Variants in SLC39A8 observed in about 807,000 individuals in gnomAD.
SLC39A8 encodes the protein solute carrier family 39 member 8.
SLC39A8 carries 15 observed loss-of-function variants against 40.4 expected under a neutral mutation model. The ratio of observed to expected loss-of-function variants is 0.37; its 90% CI spans 0.25 to 0.57. The LOEUF is 0.57. SLC39A8 is among the 20% of genes least tolerant of loss of function. The probability of loss-of-function intolerance (pLI) is 0.75; values close to 1 mark genes in which losing one functional copy is unlikely to be tolerated. For synonymous variants in SLC39A8, 223 were observed against 221.6 expected (o/e 1.01, Z -0.06); for missense variants, 472 against 558.8 (o/e 0.84, Z 1.57).
intron 3 of SLC39A8, among the ~76,000 whole-genome samples, chr4:102,315,260 T>C (rs1425149054): frequency 2.6e-5 from 4 of 152,126 alleles, no homozygotes; most frequent in African/African-American, 9.7e-5. Context: ...AGAAGCATGC[T>C]AGTTCTCTTA....
rs771588210 is a variant in SLC39A8, at chr4:102,307,513, G to A, written c.475C>T (p.Pro159Ser). The A allele has an allele frequency of 3.1e-6, 5 of 1,613,422 alleles. No individual in the cohort carries two copies. In the East Asian group the frequency reaches 8.9e-5, roughly 29 times the overall value. ...LTPLIKKSYF[P>S]KILTFFVGLA... ...CCCACAAAAAAGGTCAAAATCTTTG[G>A]GAAATAAGATTTCTTTATCAGTGGA... The change falls in exon 4 of 9, where the codon CCA becomes TCA. Residue 159 changes from proline (P) to serine (S), a missense_variant. By Grantham distance (74) the Pro-to-Ser change is moderately conservative. Coordinates refer to ENST00000356736, the MANE Select transcript of SLC39A8 (RefSeq NM_001135146.2).
intron 4 of SLC39A8, among the ~76,000 whole-genome samples, chr4:102,307,217 T>G (rs897459962): frequency 6.6e-6 from 1 of 152,068 alleles, no homozygotes; most frequent in Non-Finnish European, 1.5e-5. Flanking sequence ...CACGTCCTAG[T>G]GGCTGGCCTC....
chr4:102,313,716 A>G (rs1365337843), intron 3 of SLC39A8, among the ~76,000 whole-genome samples: 1 of 151,916 alleles, frequency 6.6e-6, no homozygotes, highest in African/African-American at 2.4e-5. Flanking sequence ...CAGCCTCCCA[A>G]GTAGCTAGGC....
chr4:102,312,825 TAA>T (rs1734490277), intron 3 of SLC39A8, among the ~76,000 whole-genome samples: 2 of 152,246 alleles, frequency 1.3e-5, no homozygotes, highest in South Asian at 4.1e-4. Context: ...AGGAAAAGGT[TAA>T]AGTCATGTTC....
At chr4:102,263,618 G>A (rs1731962287) in intron 8 of SLC39A8, among the ~76,000 whole-genome samples, 1 of 152,066 alleles carries the variant, frequency 6.6e-6, no homozygotes, top group South Asian at 2.1e-4. Context: ...AGACAACAAT[G>A]ACATTTGCAA....
At chr4:102,332,367 C>T (rs1735504284) in intron 2 of SLC39A8, among the ~76,000 whole-genome samples, 1 of 151,898 alleles carries the variant, frequency 6.6e-6, no homozygotes, top group African/African-American at 2.4e-5. Context: ...GATAAGAACA[C>T]TTTTCAAAAG....
chr4:102,279,719 T>C (rs960907637), intron 6 of SLC39A8, among the ~76,000 whole-genome samples: 1 of 152,094 alleles, frequency 6.6e-6, no homozygotes, highest in Non-Finnish European at 1.5e-5. Flanking sequence ...TGCATCCTCT[T>C]CTCCCAATAT....
At chr4:102,333,589 G>C (rs1278613922) in intron 2 of SLC39A8, among the ~76,000 whole-genome samples, 1 of 152,164 alleles carries the variant, frequency 6.6e-6, no homozygotes, top group African/African-American at 2.4e-5. Context: ...AATACCAAAA[G>C]GTTTTGATGG....
rs1286633534 is a variant in SLC39A8 at position 102,266,442 on chromosome 4, T to G, written c.1233+1048A>C. ...GACAAATATAATTTGGAGGTAAGAA[T>G]GCAAATAAAAAACTCAAATTATTAA... On this transcript the variant is annotated intron_variant, in intron 8 of 8. Transcript: ENST00000356736. Among the ~76,000 whole-genome samples the G allele has an allele frequency of 3.3e-5, 5 of 152,200 alleles. No individual in the cohort carries two copies. In the South Asian group the frequency reaches 8.3e-4, roughly 25 times the overall value.
downstream of SLC39A8, among the ~76,000 whole-genome samples, chr4:102,260,213 A>G (rs780698525): frequency 1.1e-4 from 17 of 152,236 alleles, no homozygotes; most frequent in Non-Finnish European, 2.1e-4. Context: ...TGGAGTAATA[A>G]GCTTACGAAT....
At chr4:102,279,747 G>T (rs1578569786) in intron 6 of SLC39A8, among the ~76,000 whole-genome samples, 1 of 152,102 alleles carries the variant, frequency 6.6e-6, no homozygotes, top group Non-Finnish European at 1.5e-5. Flanking sequence ...GAAGAGTGTT[G>T]CTGGGGACCA....
rs768387890 is a variant in SLC39A8 at position 102,263,048 on chromosome 4, T to G, written c.1379A>C (p.Glu460Ala). ...AACACCATCTTCCATTTTCTATTACTCCAATTCGATTTCTCCTGCATACAA... is the reference window on the plus strand; with the variant it reads ...AACACCATCTTCCATTTTCTATTACGCCAATTCGATTTCTCCTGCATACAA... ...ITLYAGEIEL[E>A] The change falls in exon 9 of 9, where the codon GAG becomes GCG. Residue 460 changes from glutamate to alanine, a missense_variant. Coordinates refer to ENST00000356736, the MANE Select transcript of SLC39A8 (RefSeq NM_001135146.2). The G allele has an allele frequency of 6.2e-7, 1 of 1,606,184 alleles. No homozygotes were observed.
In SLC39A8 at chr4:102,263,109, T is replaced by C. The variant is rs758843882; in HGVS notation, c.1318A>G (p.Met440Val). The change falls in exon 9 of 9, where the codon ATG (methionine) becomes GTG (valine). Residue 440 changes from methionine to valine, a missense_variant. Met to Val is a conservative substitution (Grantham distance 21, BLOSUM62 1). This residue lies in a region of SLC39A8 where 50 missense variants were observed against 50.5 expected (regional missense o/e 0.99). Coordinates refer to ENST00000356736, the MANE Select transcript of SLC39A8 (RefSeq NM_001135146.2). ...AGAATGGCTGTGAATCCAGTTAACA[T>C]TCCAGCATTCTGAATCATGAAGAAG... is the stretch of plus-strand genomic sequence containing the variant. ...FTFFMIQNAG[M>V]LTGFTAILLI... is the part of the protein sequence containing the mutation. 6.2e-7 allele frequency: 1 copy of C among 1,613,854 alleles called. No homozygotes were observed. Among genetic ancestry groups the C allele is most frequent in the South Asian group, 1.1e-5 (1 of 91,046 alleles).
chr4:102,320,559 A>G (rs1202087973), intron 2 of SLC39A8, among the ~76,000 whole-genome samples: 1 of 10,060 alleles, frequency 9.9e-5, no homozygotes, highest in African/African-American at 4.4e-4. Flanking sequence ...TATATATATG[A>G]GAATATATAT....
At chr4:102,278,667 C>G (rs1400288199) in intron 6 of SLC39A8, among the ~76,000 whole-genome samples, 2 of 152,116 alleles carry the variant, frequency 1.3e-5, no homozygotes, top group African/African-American at 2.4e-5. Context: ...ATAAATCATT[C>G]TACTATAAAG....
intron 2 of SLC39A8, among the ~76,000 whole-genome samples, chr4:102,343,760 CAAATGCCT>C (rs1465764103): frequency 3.3e-5 from 5 of 152,160 alleles, no homozygotes; most frequent in Non-Finnish European, 7.4e-5. Context: ...AAGGTATTGC[CAAATGCCT>C]AGTAGTACCC....
intron 11 of SLC39A8, among the ~76,000 whole-genome samples, chr4:102,255,743 T>A (rs1731694788): frequency 6.6e-6 from 1 of 152,098 alleles, no homozygotes; most frequent in African/African-American, 2.4e-5. Flanking sequence ...TCAACAGAAG[T>A]GCATTACTCC....
chr4:102,310,977 C>T (rs528371814), intron 3 of SLC39A8, among the ~76,000 whole-genome samples: 4 of 152,224 alleles, frequency 2.6e-5, no homozygotes, highest in South Asian at 2.1e-4. Flanking sequence ...ATAGGTGCTG[C>T]TATTTTTCCC....
intron 6 of SLC39A8, among the ~76,000 whole-genome samples, chr4:102,297,494 G>T (rs190610097): frequency 1.1e-4 from 17 of 152,154 alleles, no homozygotes; most frequent in Non-Finnish European, 2.1e-4. Flanking sequence ...CTTTAGAAAA[G>T]TTGGACAGTT....
Sources: gnomAD v4.1 joint callset for allele counts (sites outside exome capture counted in the v4.1 genomes callset) on GRCh38, gnomAD v4.1.1 for gene constraint, gnomAD v4.1.1 regional missense constraint, MANE v1.5 for transcripts, NCBI Gene and HGNC (gene_info 2026-07-23, HGNC 2026-07-21) for gene names.